ZNF532: variants seen among roughly 807,000 people sequenced by gnomAD.
ZNF532 encodes zinc finger protein 532.
A neutral mutation model predicts 89.3 loss-of-function variants in ZNF532; 22 were observed. That is an observed-to-expected ratio of 0.25 (90% CI 0.18 to 0.35). The LOEUF (loss-of-function observed/expected upper bound fraction) is 0.35, where lower values mean the gene tolerates loss of function less well. ZNF532 is among the 10% of genes least tolerant of loss of function. The pLI, the probability that ZNF532 is intolerant of heterozygous loss-of-function variation, is 1.00. For missense variants in ZNF532, 1,132 were observed against 1,643.4 expected, an observed-to-expected ratio of 0.69 and a Z score of 5.38; for synonymous variants, 606 against 649.6, an observed-to-expected ratio of 0.93 and a Z score of 1.02.
chr18:58,916,644 C>G, intron 2 of ZNF532: 2 of 914,390 alleles, frequency 2.2e-6, no homozygotes, highest in South Asian at 1.0e-4. Context: ...CTTCAGCTCC[C>G]ATCGAACCCT....
At chr18:58,960,715 G>A (rs1328335836) in intron 7 of ZNF532, among the ~76,000 whole-genome samples, 4 of 152,204 alleles carry the variant, frequency 2.6e-5, no homozygotes, top group African/African-American at 4.8e-5. Flanking sequence ...TCTGTACAGT[G>A]TAGTGCAGGA....
chr18:58,942,059 G>T (rs1330740987), intron 5 of ZNF532, among the ~76,000 whole-genome samples: 1 of 126,770 alleles, frequency 7.9e-6, no homozygotes, highest in African/African-American at 3.0e-5. Context: ...GTCTCGCTGT[G>T]TCGCCCAGGC....
At position 58,888,773 on chromosome 18, in the gene ZNF532, T is replaced by TTA. The variant is rs1260512998; in HGVS notation, c.-18+23205_-18+23206dup. 6.2e-4 allele frequency among the ~76,000 whole-genome samples: 36 copies of TTA among 58,324 alleles called. 6 individuals are homozygous for TTA. In the East Asian group the frequency reaches 0.015, roughly 25 times the overall value. The allele number at this position is 58,324 out of a possible 152,430, so 38.3% of individuals were successfully genotyped here. A position where few individuals can be genotyped will look rare whatever the true frequency, so the allele number is the denominator to read the frequency against. ...TATATATAAAATTAATATATATAAT[T>TTA]TATATATATATAAAATATATATAAT... On this transcript the variant is annotated intron_variant, in intron 2 of 9. Transcript: ENST00000591808.
Position 58,905,053 on chromosome 18 carries a change from T to C in ZNF532, c.-17-13218T>C, listed in dbSNP as rs60605677. Among the ~76,000 whole-genome samples, 31 of 152,126 alleles carry C rather than the reference T, an allele frequency of 2.0e-4. No individual in the cohort carries two copies. The East Asian group carries it at 6.0e-3, about 29-fold the overall frequency. Reference sequence around the variant, plus strand: ...GACAGGGTTTCACCATGTTGGCCAGTGTGGTCTTGAACTCCTGGCCTCAAG... The same window carrying C: ...GACAGGGTTTCACCATGTTGGCCAGCGTGGTCTTGAACTCCTGGCCTCAAG... On this transcript the variant is annotated intron_variant, in intron 2 of 9. Transcript: ENST00000591808.
At chr18:58,967,050 A>C (rs1000364534) in intron 7 of ZNF532, among the ~76,000 whole-genome samples, 1 of 152,176 alleles carries the variant, frequency 6.6e-6, no homozygotes, top group Non-Finnish European at 1.5e-5. Flanking sequence ...ACATCGAAGG[A>C]TGTGCAATGA....
chr18:58,955,894 G>T (rs747836907), intron 7 of ZNF532, among the ~76,000 whole-genome samples: 4 of 152,188 alleles, frequency 2.6e-5, no homozygotes, highest in Non-Finnish European at 5.9e-5. Flanking sequence ...CCAGGGTGCT[G>T]TCAGAGTCTG....
intron 7 of ZNF532, among the ~76,000 whole-genome samples, chr18:58,974,757 A>G (rs894307780): frequency 6.6e-6 from 1 of 152,140 alleles, no homozygotes; most frequent in South Asian, 2.1e-4. Context: ...CTTCCCTTCC[A>G]CTAAGATTGC....
rs60644289 is a variant in ZNF532 at position 58,963,603 on chromosome 18, ATGTGTGTGTGTGTG to A, written c.3150+9834_3150+9847del. ...CTTGCACAGTATTTAAAAGAAAAAA[ATGTGTGTGTGTGTG>A]TGTGTGTGTGTGTGTGTGTGTGTGT... On this transcript the variant is annotated intron_variant, in intron 7 of 9. Coordinates refer to ENST00000591808, the MANE Select transcript of ZNF532 (RefSeq NM_001375912.1). 4.5e-3 allele frequency among the ~76,000 whole-genome samples: 651 copies of A among 143,824 alleles called. 5 individuals carry two copies. The Middle Eastern group carries it at 0.048, about 11-fold the overall frequency. The allele number at this position is 143,824 out of a possible 152,430, so 94.4% of individuals were successfully genotyped here. A position where few individuals can be genotyped will look rare whatever the true frequency, so the allele number is the denominator to read the frequency against.
intron 2 of ZNF532, among the ~76,000 whole-genome samples, chr18:58,891,243 C>T (rs1431919113): frequency 1.3e-5 from 2 of 152,028 alleles, no homozygotes; most frequent in Non-Finnish European, 2.9e-5. Context: ...TAAAAGGAAC[C>T]TGGAGGCCTG....
chr18:58,872,034 A>C (rs2057027685), intron 2 of ZNF532, among the ~76,000 whole-genome samples: 1 of 152,230 alleles, frequency 6.6e-6, no homozygotes, highest in African/African-American at 2.4e-5. Context: ...GAAGTTCTAT[A>C]TTCTGGCTGT....
At chr18:58,941,488 T>TTA (rs1555739113) in intron 5 of ZNF532, among the ~76,000 whole-genome samples, 15 of 149,676 alleles carry the variant, frequency 1.0e-4, no homozygotes, top group African/African-American at 3.2e-4. Context: ...TTTTTTTTTT[T>TTA]ATGAGACAGA....
At chr18:58,880,774 C>CGCGCGCGCGTGTGTGTGTGTGTGTGTGTG (rs1568227863) in intron 2 of ZNF532, among the ~76,000 whole-genome samples, 1 of 142,242 alleles carries the variant, frequency 7.0e-6, no homozygotes, top group East Asian at 2.0e-4. Context: ...GCGCGCGCGT[C>CGCGCGCGCGTGTGTGTGTGTGTGTGTGTG]TGTGTGTGTG....
At chr18:58,893,751 G>A (rs2059066654) in intron 2 of ZNF532, among the ~76,000 whole-genome samples, 1 of 152,104 alleles carries the variant, frequency 6.6e-6, no homozygotes, top group South Asian at 2.1e-4. Flanking sequence ...GACTGCTTAA[G>A]AGCTAACTTG....
Position 58,939,458 on chromosome 18 carries a change from A to G in ZNF532, c.2542A>G (p.Asn848Asp). The G allele has an allele frequency of 6.2e-7, 1 of 1,613,194 alleles. No individual in the cohort carries two copies. The highest frequency in any genetic ancestry group is 8.5e-7 in the Non-Finnish European group (1 of 1,179,742). Residue 848 changes from asparagine to aspartate, a missense_variant, in exon 5 of 10, where the codon AAT becomes GAT. Asn to Asp is a conservative substitution (Grantham distance 23, BLOSUM62 1). Transcript: ENST00000591808. ...RRVGFRCVHCNVVYSDVAALK... is the reference protein window; with the variant it reads ...RRVGFRCVHCDVVYSDVAALK... ...TTTTTCTAACAGATGTGTGCATTGC[A>G]ATGTTGTGTACTCTGATGTGGCTGC...
At chr18:58,911,984 A>C (rs1423823523) in intron 2 of ZNF532, among the ~76,000 whole-genome samples, 1 of 152,126 alleles carries the variant, frequency 6.6e-6, no homozygotes, top group South Asian at 2.1e-4. Context: ...TTGTAGGGAC[A>C]GGGACTTTCC....
At chr18:58,903,604 G>A (rs2059738651) in intron 2 of ZNF532, among the ~76,000 whole-genome samples, 3 of 152,086 alleles carry the variant, frequency 2.0e-5, no homozygotes, top group Admixed American at 6.5e-5. Context: ...GAAGTGGGCA[G>A]GGCCCAGGGA....
chr18:58,920,487 A>C lies in ZNF532; in HGVS notation c.2200A>C (p.Thr734Pro), dbSNP rs1603100802. 2 of 1,613,808 alleles carry C rather than the reference A, an allele frequency of 1.2e-6. No individual in the cohort carries two copies. Among genetic ancestry groups the C allele is most frequent in the South Asian group, 1.1e-5 (1 of 91,048 alleles). ...GACAGTCATATCGGCTCCTTCAAGC[A>C]CTCCCATCACCCCAGCCATGCCCCT... Reference protein sequence around the residue: ...TGTVISAPSSTPITPAMPLDE... With the variant: ...TGTVISAPSSPPITPAMPLDE... Residue 734 changes from threonine (T) to proline (P), a missense_variant, in exon 3 of 10, where the codon ACT becomes CCT. Transcript: ENST00000591808.
rs1568314972 is a variant in ZNF532 at position 58,918,798 on chromosome 18, C to A, written c.511C>A (p.Gln171Lys). Residue 171 changes from glutamine to lysine, a missense_variant, in exon 3 of 10, where the codon CAG becomes AAG. Physicochemically the swap from Gln to Lys is moderately conservative, Grantham distance 53. This residue lies in a region of ZNF532 where 302 missense variants were observed against 319.8 expected (regional missense o/e 0.94). Coordinates refer to ENST00000591808, the MANE Select transcript of ZNF532 (RefSeq NM_001375912.1). ...SNVLTGSAPQ[Q>K]DYDKLKALGG... is the part of the protein sequence containing the mutation. ...TGTGTTGACGGGGTCGGCTCCCCAG[C>A]AGGACTACGATAAGCTGAAGGCACT... 1.2e-6 allele frequency: 2 copies of A among 1,614,166 alleles called. No individual in the cohort carries two copies. Among genetic ancestry groups the A allele is most frequent in the Non-Finnish European group, 1.7e-6 (2 of 1,180,034 alleles).
intron 7 of ZNF532, among the ~76,000 whole-genome samples, chr18:58,957,403 ATAC>A (rs2064888906): frequency 1.9e-5 from 1 of 51,360 alleles, no homozygotes; most frequent in African/African-American, 8.8e-5. Flanking sequence ...ATGACTTAAA[ATAC>A]ATATATATAT....
Sources: gnomAD v4.1 joint callset for allele counts (sites outside exome capture counted in the v4.1 genomes callset) on GRCh38, gnomAD v4.1.1 for gene constraint, gnomAD v4.1.1 regional missense constraint, MANE v1.5 for transcripts, NCBI Gene and HGNC (gene_info 2026-07-23, HGNC 2026-07-21) for gene names.